GTF2IRD1: variants seen among roughly 807,000 people sequenced by gnomAD.
GTF2IRD1 encodes the protein GTF2I repeat domain containing 1, also known as general transcription factor II-I repeat domain-containing protein 1.
A neutral mutation model predicts 113.2 loss-of-function variants in GTF2IRD1; 26 were observed. The ratio of observed to expected loss-of-function variants is 0.23; its 90% CI spans 0.17 to 0.32. The LOEUF is 0.32. Among genes scored for constraint, GTF2IRD1 ranks in the 10% least tolerant of loss-of-function variants. The pLI, the probability that GTF2IRD1 is intolerant of heterozygous loss-of-function variation, is 1.00. For synonymous variants in GTF2IRD1, 484 were observed against 529.1 expected (o/e 0.91, Z 1.17); for missense variants, 864 against 1,280.8 (o/e 0.67, Z 4.97).
chr7:74,587,077 G>T (rs1282503196), intron 22 of GTF2IRD1, among the ~76,000 whole-genome samples: 2 of 152,126 alleles, frequency 1.3e-5, no homozygotes, highest in African/African-American at 4.8e-5. Context: ...GAGCCAAAGA[G>T]TTCAAGGCTG....
At chr7:74,511,512 G>A (rs1796627929) in intron 2 of GTF2IRD1, among the ~76,000 whole-genome samples, 1 of 152,228 alleles carries the variant, frequency 6.6e-6, no homozygotes, top group African/African-American at 2.4e-5. Context: ...GCGCAGAAAG[G>A]GAACAGCAAG....
chr7:74,547,428 C>T, intron 17 of GTF2IRD1, 142 bp downstream of exon 17: 2 of 598,588 alleles, frequency 3.3e-6, no homozygotes, highest in South Asian at 2.1e-5. Flanking sequence ...GTGTGTGCCA[C>T]CATGCCCAGC....
At position 74,555,253 on chromosome 7, in the gene GTF2IRD1, G is replaced by C; in HGVS notation, c.1966+30G>C. 6.2e-7 allele frequency: 1 copy of C among 1,607,412 alleles called. No individual in the cohort carries two copies. The highest frequency in any genetic ancestry group is 8.5e-7 in the Non-Finnish European group (1 of 1,175,256). On this transcript the variant is annotated intron_variant, in intron 18 of 26. Coordinates refer to ENST00000424337, the MANE Select transcript of GTF2IRD1 (RefSeq NM_005685.4). The surrounding 1 kb of genome is among the most constrained non-coding windows in gnomAD (Gnocchi z 5.3). ...CCAGCGCGGGGTCGGGAGCCATGGTGTGGGCGGGCAAGGGAGGGCCCCAGG... is the reference window on the plus strand; with the variant it reads ...CCAGCGCGGGGTCGGGAGCCATGGTCTGGGCGGGCAAGGGAGGGCCCCAGG...
intron 14 of GTF2IRD1, among the ~76,000 whole-genome samples, chr7:74,543,872 CAAAAAAAAAAA>C (rs782039486): frequency 8.7e-5 from 3 of 34,590 alleles, no homozygotes; most frequent in South Asian, 1.1e-3. Context: ...CCCATCTCTA[CAAAAAAAAAAA>C]AAAAAAAAAA....
chr7:74,491,220 C>T (rs575464497), intron 1 of GTF2IRD1, among the ~76,000 whole-genome samples: 4 of 151,694 alleles, frequency 2.6e-5, no homozygotes, highest in Non-Finnish European at 4.4e-5. Flanking sequence ...GCACGAGAAT[C>T]GCCTGAACCC....
intron 1 of GTF2IRD1, among the ~76,000 whole-genome samples, chr7:74,455,447 G>A (rs1383545708): frequency 2.6e-5 from 4 of 152,210 alleles, no homozygotes; most frequent in African/African-American, 7.2e-5. Context: ...GCACTGGCCC[G>A]GGGCCTTGGG....
At chr7:74,480,986 C>G (rs782297332) in intron 1 of GTF2IRD1, among the ~76,000 whole-genome samples, 2 of 152,066 alleles carry the variant, frequency 1.3e-5, no homozygotes, top group Non-Finnish European at 2.9e-5. Flanking sequence ...CCCAGCCCCT[C>G]CAGGGAAGAG....
intron 22 of GTF2IRD1, among the ~76,000 whole-genome samples, chr7:74,569,965 G>A (rs868908584): frequency 1.8e-4 from 28 of 152,298 alleles, no homozygotes; most frequent in Middle Eastern, 3.4e-3. Context: ...CCGGGGCATC[G>A]GAGGAAAGGG....
At chr7:74,530,008 G>A (rs1336070564) in intron 9 of GTF2IRD1, 91 bp downstream of exon 9, 22 of 905,620 alleles carry the variant, frequency 2.4e-5, no homozygotes, top group Admixed American at 2.3e-4. Context: ...CCAGGAGTTC[G>A]AGACCAGCCT....
chr7:74,470,265 C>T (rs1794004131), intron 1 of GTF2IRD1, among the ~76,000 whole-genome samples: 2 of 152,190 alleles, frequency 1.3e-5, no homozygotes, highest in East Asian at 1.9e-4. Flanking sequence ...GATAGATAAG[C>T]ATAAGCCACC....
intron 1 of GTF2IRD1, among the ~76,000 whole-genome samples, chr7:74,471,176 T>G (rs1323608588): frequency 1.3e-5 from 2 of 151,982 alleles, no homozygotes; most frequent in African/African-American, 4.8e-5. Flanking sequence ...GTGGGAGAGT[T>G]TTTGGGGAGA....
chr7:74,555,096 G>A lies in GTF2IRD1; in HGVS notation c.1917-78G>A, dbSNP rs185211934. ...GGTCCATTGCAGGGCTGTGTAGACT[G>A]AGGCCCAGAGAGGAGGGCTGAGCAG... On this transcript the variant is annotated intron_variant, in intron 17 of 26. Transcript: ENST00000424337. The surrounding 1 kb of genome is among the most constrained non-coding windows in gnomAD (Gnocchi z 5.3). 206 of 1,334,514 alleles carry A rather than the reference G, an allele frequency of 1.5e-4. No individual in the cohort carries two copies. The African/African-American group carries it at 2.8e-3, about 18-fold the overall frequency. 82.7% of individuals were successfully genotyped at this position (1,334,514 alleles called of 1,614,324 possible).
At chr7:74,475,225 T>C (rs944351325) in intron 1 of GTF2IRD1, among the ~76,000 whole-genome samples, 15 of 152,074 alleles carry the variant, frequency 9.9e-5, no homozygotes, top group African/African-American at 3.6e-4. Context: ...ATTGCGATCA[T>C]AGGCTGGGTG....
chr7:74,466,361 G>C (rs1793708422), intron 1 of GTF2IRD1, among the ~76,000 whole-genome samples: 1 of 152,080 alleles, frequency 6.6e-6, no homozygotes, highest in South Asian at 2.1e-4. Context: ...GTGACGGTGG[G>C]GCTGCTGCAT....
chr7:74,599,186 A>T (rs1394045105), intron 25 of GTF2IRD1, among the ~76,000 whole-genome samples: 1 of 152,114 alleles, frequency 6.6e-6, no homozygotes, highest in East Asian at 1.9e-4. Context: ...AGGCAGGAGG[A>T]TCACTTGAGC....
At chr7:74,462,715 C>G (rs1217099367) in intron 1 of GTF2IRD1, among the ~76,000 whole-genome samples, 1 of 152,204 alleles carries the variant, frequency 6.6e-6, no homozygotes, top group African/African-American at 2.4e-5. Flanking sequence ...CCCATCACTA[C>G]CCACCCCCCA....
chr7:74,588,522 T>TTTTG (rs1302652092), intron 22 of GTF2IRD1, among the ~76,000 whole-genome samples: 6 of 152,130 alleles, frequency 3.9e-5, no homozygotes, highest in African/African-American at 9.6e-5. Flanking sequence ...GGAGCCCATT[T>TTTTG]TTTGTTTGTT....
intron 17 of GTF2IRD1, 67 bp downstream of exon 17, chr7:74,547,353 A>G: frequency 7.8e-7 from 1 of 1,290,150 alleles, no homozygotes; most frequent in Non-Finnish European, 1.1e-6. Flanking sequence ...CAGGAGCAGC[A>G]CCAAATTGCC....
intron 8 of GTF2IRD1, among the ~76,000 whole-genome samples, chr7:74,526,991 C>T (rs1797639523): frequency 6.6e-6 from 1 of 152,120 alleles, no homozygotes; most frequent in Non-Finnish European, 1.5e-5. Context: ...GGAGGGAGGT[C>T]CAGCTCTGGG....
Sources: allele counts gnomAD v4.1 joint callset (sites outside exome capture counted in the v4.1 genomes callset), GRCh38; gene constraint gnomAD v4.1.1; non-coding constraint Gnocchi (gnomAD v3.1); transcripts MANE v1.5; gene names NCBI Gene and HGNC (gene_info 2026-07-23, HGNC 2026-07-21).